ACAA1: variants seen among roughly 807,000 people sequenced by gnomAD.
ACAA1 encodes the protein 3-ketoacyl-CoA thiolase, peroxisomal.
In ACAA1, 44 loss-of-function variants were observed where a neutral mutation model predicts 48.8. The ratio of observed to expected loss-of-function variants is 0.90; its 90% CI spans 0.71 to 1.16. The LOEUF (loss-of-function observed/expected upper bound fraction) is 1.16, where lower values mean the gene tolerates loss of function less well. ACAA1 is among the 50% of genes most tolerant of loss of function. The pLI, the probability that ACAA1 is intolerant of heterozygous loss-of-function variation, is 0.00. For missense variants in ACAA1, 512 were observed against 562.3 expected, an observed-to-expected ratio of 0.91 and a Z score of 0.90; for synonymous variants, 233 against 226.5, an observed-to-expected ratio of 1.03 and a Z score of -0.26.
At chr3:38,131,183 G>A (rs1012121904) in intron 5 of ACAA1, among the ~76,000 whole-genome samples, 3 of 152,216 alleles carry the variant, frequency 2.0e-5, no homozygotes, top group Admixed American at 6.5e-5. Flanking sequence ...GGGACAGACA[G>A]CCTAGTAAAA....
At position 38,127,879 on chromosome 3, in the gene ACAA1, C is replaced by T. The variant is rs181628081; in HGVS notation, c.546-13G>A. 1.2e-6 allele frequency: 2 copies of T among 1,614,074 alleles called. No individual in the cohort carries two copies. Among genetic ancestry groups the T allele is most frequent in the African/African-American group, 1.3e-5 (1 of 75,044 alleles). On this transcript the variant is annotated splice_polypyrimidine_tract_variant and intron_variant, in intron 6 of 11. Coordinates refer to ENST00000333167, the MANE Select transcript of ACAA1 (RefSeq NM_001607.4). ...CTCAGAGGTTATCCTAGAACACAAA[C>T]AGCAGATAGTGTGGGCATTGGTCTG... is the stretch of plus-strand genomic sequence containing the variant.
Position 38,126,684 on chromosome 3 carries a change from T to C in ACAA1, c.643A>G (p.Ser215Gly). Reference sequence around the variant, plus strand: ...ATCTCAGCTTGGAAACAGCCCTTGCTCTGGGCTCTTGCTGCCCTGCCAGCA... The same window carrying C: ...ATCTCAGCTTGGAAACAGCCCTTGCCCTGGGCTCTTGCTGCCCTGCCAGCA... ...ASQQKAARAQSKGCFQAEIVP... is the reference protein window; with the variant it reads ...ASQQKAARAQGKGCFQAEIVP... Residue 215 changes from serine (S) to glycine (G), a missense_variant, in exon 8 of 12, where the codon AGC (serine) becomes GGC (glycine). Ser to Gly is a moderately conservative substitution (Grantham distance 56). Transcript: ENST00000333167. The surrounding 1 kb of genome is among the most constrained non-coding windows in gnomAD (Gnocchi z 4.7). The C allele has an allele frequency of 6.2e-7, 1 of 1,613,736 alleles. No individual in the cohort carries two copies. The highest frequency in any genetic ancestry group is 8.5e-7 in the Non-Finnish European group (1 of 1,180,010).
intron 1 of ACAA1, 26 bp downstream of exon 1, chr3:38,136,839 T>A: frequency 6.7e-7 from 1 of 1,497,266 alleles, no homozygotes; most frequent in Non-Finnish European, 8.8e-7. Context: ...CTTCCCACAC[T>A]CGGCGCCCAG....
chr3:38,136,646 C>T lies in ACAA1; in HGVS notation c.211G>A (p.Ala71Thr). The change falls in exon 2 of 12, where the codon GCG (alanine) becomes ACG (threonine). Residue 71 changes from alanine to threonine, a missense_variant. Coordinates refer to ENST00000333167, the MANE Select transcript of ACAA1 (RefSeq NM_001607.4). ...CTCAGATTCACGTCCTTGAGAACCGCGGTCATGACTGCCGAGAGAAGCTCG... is the reference window on the plus strand; with the variant it reads ...CTCAGATTCACGTCCTTGAGAACCGTGGTCATGACTGCCGAGAGAAGCTCG... ...PDELLSAVMT[A>T]VLKDVNLRPE... The T allele has an allele frequency of 6.2e-7, 1 of 1,613,986 alleles. No individual in the cohort carries two copies. Among genetic ancestry groups the T allele is most frequent in the Non-Finnish European group, 8.5e-7 (1 of 1,179,958 alleles).
intron 5 of ACAA1, among the ~76,000 whole-genome samples, chr3:38,131,299 C>A (rs1700780208): frequency 2.0e-5 from 3 of 152,206 alleles, no homozygotes; most frequent in South Asian, 2.1e-4. Flanking sequence ...CCAAAGGAAA[C>A]CCAAATGCTG....
chr3:38,137,009 G>C lies in ACAA1; in HGVS notation c.27C>G (p.Gly9=), dbSNP rs531794979. 8.3e-6 allele frequency: 13 copies of C among 1,566,882 alleles called. No individual in the cohort carries two copies. The South Asian group carries it at 1.5e-4, about 18-fold the overall frequency. The change falls in exon 1 of 12, where the codon GGC becomes GGG. Residue 9 remains glycine (G), a synonymous_variant. Transcript: ENST00000333167. MQRLQVVL[G]HLRGPADSGW... ...CGGAATCGGCCGGACCCCTCAGGTG[G>C]CCCAGCACTACCTGCAGCCTCTGCA...
rs746359203 is a variant in ACAA1 at position 38,136,996 on chromosome 3, GAC to G, written c.38_39del (p.Gly13AlafsTer96). On this transcript the variant is annotated frameshift_variant, in exon 1 of 12. Coordinates refer to ENST00000333167, the MANE Select transcript of ACAA1 (RefSeq NM_001607.4). LOFTEE classifies it high-confidence loss of function. Reference protein sequence around the residue: ...RLQVVLGHLRGPADSGWMPQA... With the variant: ...RLQVVLGHLRXPADSGWMPQA... ...TGCGGCATCCAGCCGGAATCGGCCGGACCCCTCAGGTGGCCCAGCACTACCTG... is the reference window on the plus strand; with the variant it reads ...TGCGGCATCCAGCCGGAATCGGCCGGCCCTCAGGTGGCCCAGCACTACCTG... 1.6e-5 allele frequency: 25 copies of G among 1,564,662 alleles called. No homozygotes were observed. In the African/African-American group the frequency reaches 3.4e-4, roughly 21 times the overall value.
At chr3:38,123,351 C>A in intron 11 of ACAA1, 1 of 546,464 alleles carries the variant, frequency 1.8e-6, no homozygotes, top group Non-Finnish European at 3.3e-6. Context: ...GGATCATGCC[C>A]CTACATCCTA....
chr3:38,126,304 GAT>G lies in ACAA1; in HGVS notation c.853_854del (p.Ile285ProfsTer30). 1 of 1,614,122 alleles carries G rather than the reference GAT, an allele frequency of 6.2e-7. No individual in the cohort carries two copies. The highest frequency in any genetic ancestry group is 1.7e-5 in the Admixed American group (1 of 60,022). On this transcript the variant is annotated frameshift_variant, in exon 9 of 12. Coordinates refer to ENST00000333167, the MANE Select transcript of ACAA1 (RefSeq NM_001607.4). LOFTEE classifies it high-confidence loss of function. This position sits in a 1 kb window ranked among gnomAD's most constrained non-coding sequence, Gnocchi z 4.7. ...SSQVSDGAAA[I>X]LLARRSKAEE... ...CTGCCTTGGACCTCCGGGCCAGCAGGATGGCAGCTGCCCCATCACTCACCTGG... is the reference window on the plus strand; with the variant it reads ...CTGCCTTGGACCTCCGGGCCAGCAGGGGCAGCTGCCCCATCACTCACCTGG...
At chr3:38,125,539 C>T in intron 11 of ACAA1, 26 bp downstream of exon 11, 1 of 1,520,822 alleles carries the variant, frequency 6.6e-7, no homozygotes, top group Non-Finnish European at 8.8e-7. Flanking sequence ...CCCCCTATGA[C>T]CCCACCGCCA....
At chr3:38,132,871 G>C (rs1309619092) in intron 3 of ACAA1, among the ~76,000 whole-genome samples, 1 of 152,140 alleles carries the variant, frequency 6.6e-6, no homozygotes, top group Non-Finnish European at 1.5e-5. Context: ...CTAGCAGGTA[G>C]TTACCATTCC....
rs1575258660 is a variant in ACAA1, at chr3:38,125,887, G to A, written c.998-6C>T. 2 of 1,614,184 alleles carry A rather than the reference G, an allele frequency of 1.2e-6. No homozygotes were observed. The highest frequency in any genetic ancestry group is 1.7e-6 in the Non-Finnish European group (2 of 1,180,040). ...CACGTCACTCACTGTCAGCCCTGCA[G>A]ACAAGGTAAAGACCTGAGCTGACAC... is the stretch of plus-strand genomic sequence containing the variant. On this transcript the variant is annotated splice_region_variant and splice_polypyrimidine_tract_variant and intron_variant, in intron 9 of 11. Coordinates refer to ENST00000333167, the MANE Select transcript of ACAA1 (RefSeq NM_001607.4).
At chr3:38,133,817 G>C (rs1169300712) in intron 3 of ACAA1, 135 bp downstream of exon 3, 3 of 820,990 alleles carry the variant, frequency 3.7e-6, no homozygotes, top group Non-Finnish European at 6.1e-6. Flanking sequence ...CACAAGAGCA[G>C]GGAGCCAAGG....
intron 11 of ACAA1, chr3:38,124,917 C>T (rs539473774): frequency 6.6e-6 from 1 of 152,290 alleles, no homozygotes; most frequent in East Asian, 1.9e-4. Flanking sequence ...ACACTGAGGG[C>T]GGATCTTCCC....
intron 11 of ACAA1, chr3:38,124,497 C>T (rs1380399901): frequency 6.6e-6 from 1 of 151,964 alleles, no homozygotes. Context: ...GTCTCAGCTA[C>T]TCAGGAGGCT....
intron 5 of ACAA1, among the ~76,000 whole-genome samples, chr3:38,130,776 A>T (rs940415747): frequency 1.3e-5 from 2 of 152,246 alleles, no homozygotes; most frequent in African/African-American, 4.8e-5. Flanking sequence ...CTTTATTTAC[A>T]ACTGTAGACA....
In ACAA1 at chr3:38,127,870, G is replaced by T. The variant is rs754102986; in HGVS notation, c.546-4C>A. 1.2e-6 allele frequency: 2 copies of T among 1,613,966 alleles called. No homozygotes were observed. Among genetic ancestry groups the T allele is most frequent in the Non-Finnish European group, 8.5e-7 (1 of 1,179,984 alleles). On this transcript the variant is annotated splice_polypyrimidine_tract_variant and splice_region_variant and intron_variant, in intron 6 of 11. Transcript: ENST00000333167. ...AGCCACATTCTCAGAGGTTATCCTA[G>T]AACACAAACAGCAGATAGTGTGGGC...
chr3:38,122,779 A>C lies in ACAA1; in HGVS notation c.*268T>G. 8.7e-7 allele frequency: 1 copy of C among 1,153,940 alleles called. No homozygotes were observed. Among genetic ancestry groups the C allele is most frequent in the Non-Finnish European group, 1.2e-6 (1 of 851,106 alleles). The allele number at this position is 1,153,940 out of a possible 1,614,324, so 71.5% of individuals were successfully genotyped here. ...TCCATGGATTTGCCTTGCCTTAAGAATTAACCATGGCCTTGTGGCCTGGGT... is the reference window on the plus strand; with the variant it reads ...TCCATGGATTTGCCTTGCCTTAAGACTTAACCATGGCCTTGTGGCCTGGGT... On this transcript the variant is annotated 3_prime_UTR_variant, in exon 12 of 12. Coordinates refer to ENST00000333167, the MANE Select transcript of ACAA1 (RefSeq NM_001607.4).
rs1187204712 is a variant in ACAA1 at position 38,137,051 on chromosome 3, T to C, written c.-16A>G. 16 of 1,541,864 alleles carry C rather than the reference T, an allele frequency of 1.0e-5. No homozygotes were observed. The highest frequency in any genetic ancestry group is 1.4e-5 in the Non-Finnish European group (16 of 1,147,694). Reference sequence around the variant, plus strand: ...GCCTCTGCATTGCGCAGGTCAACCCTGCAGACCAGCCACCAGTCCGGGAAC... The same window carrying C: ...GCCTCTGCATTGCGCAGGTCAACCCCGCAGACCAGCCACCAGTCCGGGAAC... On this transcript the variant is annotated 5_prime_UTR_variant, in exon 1 of 12. Coordinates refer to ENST00000333167, the MANE Select transcript of ACAA1 (RefSeq NM_001607.4).
Sources: allele counts gnomAD v4.1 joint callset (sites outside exome capture counted in the v4.1 genomes callset), GRCh38; gene constraint gnomAD v4.1.1; non-coding constraint Gnocchi (gnomAD v3.1); transcripts MANE v1.5; gene names NCBI Gene and HGNC (gene_info 2026-07-23, HGNC 2026-07-21).